LIPC: variants seen among roughly 807,000 people sequenced by gnomAD.
The protein encoded by LIPC is hepatic triacylglycerol lipase.
Under a neutral mutation model 50.7 loss-of-function variants are expected in LIPC, and 44 were observed. The ratio of observed to expected loss-of-function variants is 0.87; its 90% CI spans 0.68 to 1.11. LIPC has a LOEUF of 1.11. LIPC is among the 50% of genes most tolerant of loss of function. The probability of loss-of-function intolerance (pLI) is 0.00; values close to 1 mark genes in which losing one functional copy is unlikely to be tolerated. For synonymous variants in LIPC, 271 were observed against 256.4 expected (o/e 1.06, Z -0.54); for missense variants, 697 against 648.2 (o/e 1.08, Z -0.82).
At chr15:58,468,323 A>G (rs1199099394) in intron 1 of LIPC, among the ~76,000 whole-genome samples, 1 of 152,114 alleles carries the variant, frequency 6.6e-6, no homozygotes, top group Non-Finnish European at 1.5e-5. Context: ...TGATTCCCAA[A>G]GTGTTGTCCC....
rs1292172926 is a variant in LIPC, at chr15:58,489,217, C to A, written c.89-49116C>A. Among the ~76,000 whole-genome samples, 16 of 16,570 alleles carry A rather than the reference C, an allele frequency of 9.7e-4. 1 individual carries two copies. The highest frequency in any genetic ancestry group is 0.022 in the Middle Eastern group (1 of 46). 10.9% of individuals were successfully genotyped at this position (16,570 alleles called of 152,430 possible). On this transcript the variant is annotated intron_variant, in intron 1 of 8. Transcript: ENST00000299022. ...CAACCATTAGGGATTCATTTTGTTGCGGGGGCGGGGGGGCGGCTTACAAGC... is the reference window on the plus strand; with the variant it reads ...CAACCATTAGGGATTCATTTTGTTGAGGGGGCGGGGGGGCGGCTTACAAGC...
chr15:58,556,332 G>A (rs1893950983), intron 6 of LIPC, among the ~76,000 whole-genome samples: 1 of 152,170 alleles, frequency 6.6e-6, no homozygotes, highest in Non-Finnish European at 1.5e-5. Context: ...GGGGAGATAA[G>A]ACATGGACAC....
At chr15:58,444,499 A>T (rs963918267) in intron 1 of LIPC, among the ~76,000 whole-genome samples, 12 of 152,210 alleles carry the variant, frequency 7.9e-5, no homozygotes, top group African/African-American at 2.6e-4. Context: ...CAACAACAGA[A>T]ATGTATTTTC....
intron 1 of LIPC, among the ~76,000 whole-genome samples, chr15:58,489,067 C>G (rs745944883): frequency 2.6e-5 from 4 of 152,030 alleles, no homozygotes; most frequent in Non-Finnish European, 5.9e-5. Context: ...GGGCCGCCTT[C>G]TACTTCACAA....
intron 1 of LIPC, among the ~76,000 whole-genome samples, chr15:58,531,363 A>G (rs1280449149): frequency 1.3e-5 from 2 of 152,192 alleles, no homozygotes; most frequent in Admixed American, 1.3e-4. Flanking sequence ...TAGGGAAGCA[A>G]GCCCCACTTT....
At chr15:58,484,637 G>C (rs1891304010) in intron 1 of LIPC, among the ~76,000 whole-genome samples, 1 of 152,232 alleles carries the variant, frequency 6.6e-6, no homozygotes. Flanking sequence ...AGGTTACACA[G>C]CCAGTCAGCT....
intron 1 of LIPC, among the ~76,000 whole-genome samples, chr15:58,444,548 C>G (rs571780720): frequency 2.0e-5 from 3 of 152,306 alleles, no homozygotes; most frequent in African/African-American, 7.2e-5. Context: ...GTCAAGGGGT[C>G]AGCAGGGTGG....
chr15:58,511,474 C>T (rs1177466983), intron 1 of LIPC, among the ~76,000 whole-genome samples: 16 of 152,178 alleles, frequency 1.1e-4, no homozygotes, highest in Admixed American at 3.3e-4. Context: ...TCAGATGCTG[C>T]AGGAACATGA....
chr15:58,495,494 T>A (rs1292841142), intron 1 of LIPC, among the ~76,000 whole-genome samples: 1 of 152,384 alleles, frequency 6.6e-6, no homozygotes, highest in Non-Finnish European at 1.5e-5. Context: ...AAATTTAGCC[T>A]CATCTTCCCA....
chr15:58,460,327 T>C (rs1595867170), intron 1 of LIPC, among the ~76,000 whole-genome samples: 3 of 152,174 alleles, frequency 2.0e-5, no homozygotes, highest in South Asian at 4.1e-4. Flanking sequence ...GAACAGCTCA[T>C]GGTGAGAGGA....
chr15:58,490,001 G>GAAA (rs142082161), intron 1 of LIPC, among the ~76,000 whole-genome samples: 1 of 151,734 alleles, frequency 6.6e-6, no homozygotes, highest in Admixed American at 6.6e-5. Flanking sequence ...AATACTGTGG[G>GAAA]GAAAAGAAAA....
intron 6 of LIPC, among the ~76,000 whole-genome samples, chr15:58,559,781 CCTGGGGAATCCA>C (rs1244034067): frequency 5.9e-5 from 9 of 151,780 alleles, no homozygotes; most frequent in African/African-American, 1.7e-4. Context: ...TGCATCCAAC[CCTGGGGAATCCA>C]CTGGGGAGAA....
intron 1 of LIPC, among the ~76,000 whole-genome samples, chr15:58,448,079 T>TG: frequency 6.6e-6 from 1 of 152,350 alleles, no homozygotes; most frequent in African/African-American, 2.4e-5. Context: ...TTCCTGCTGA[T>TG]GCTCAAGCCC....
intron 1 of LIPC, among the ~76,000 whole-genome samples, chr15:58,524,880 T>A (rs1298019508): frequency 6.6e-6 from 1 of 152,198 alleles, no homozygotes; most frequent in Admixed American, 6.5e-5. Flanking sequence ...CCTCTGCTTA[T>A]GGTCTTTTTT....
intron 1 of LIPC, among the ~76,000 whole-genome samples, chr15:58,457,915 GCTGT>G (rs1439194065): frequency 6.6e-6 from 1 of 152,124 alleles, no homozygotes; most frequent in Non-Finnish European, 1.5e-5. Context: ...TTTCTACATG[GCTGT>G]CTGTGTACAT....
chr15:58,463,157 C>T (rs1016167854), intron 1 of LIPC, among the ~76,000 whole-genome samples: 3 of 152,214 alleles, frequency 2.0e-5, no homozygotes, highest in Non-Finnish European at 4.4e-5. Flanking sequence ...CACACCTGCA[C>T]GTTGGGATGG....
chr15:58,481,641 A>T (rs987769393), intron 1 of LIPC, among the ~76,000 whole-genome samples: 5 of 122,992 alleles, frequency 4.1e-5, no homozygotes, highest in African/African-American at 1.3e-4. Context: ...CATCTCTTCT[A>T]AAAAAATATA....
At chr15:58,435,328 C>G (rs559173409) in intron 1 of LIPC, 1 of 152,206 alleles carries the variant, frequency 6.6e-6, no homozygotes, top group Admixed American at 6.5e-5. Flanking sequence ...GGAAGAAAAT[C>G]TGGCCTCCCA....
chr15:58,560,961 G>A lies in LIPC; in HGVS notation c.1149G>A (p.Met383Ile), dbSNP rs780221618. Residue 383 changes from methionine to isoleucine, a missense_variant, in exon 7 of 9, where the codon ATG (methionine) becomes ATA (isoleucine). Met to Ile is a conservative substitution (Grantham distance 10). Transcript: ENST00000299022. Reference sequence around the variant, plus strand: ...CACTACTCGGAACAAAAGAGAAAATGCAGAAAATTCCCATCACTCTGTGAG... The same window carrying A: ...CACTACTCGGAACAAAAGAGAAAATACAGAAAATTCCCATCACTCTGTGAG... ...TMSLLGTKEK[M>I]QKIPITLGKG... 26 of 1,549,172 alleles carry A rather than the reference G, an allele frequency of 1.7e-5. No homozygotes were observed. Among genetic ancestry groups the A allele is most frequent in the Non-Finnish European group, 2.1e-5 (24 of 1,120,678 alleles).
Sources: allele counts gnomAD v4.1 joint callset (sites outside exome capture counted in the v4.1 genomes callset), GRCh38; gene constraint gnomAD v4.1.1; transcripts MANE v1.5; gene names NCBI Gene and HGNC (gene_info 2026-07-23, HGNC 2026-07-21).